The following SGIP1 variants were observed in gnomAD, a reference collection of about 807,000 sequenced individuals.
SGIP1 encodes SH3GL interacting endocytic adaptor 1.
In SGIP1, 38 loss-of-function variants were observed where a neutral mutation model predicts 107.5. The ratio of observed to expected loss-of-function variants is 0.35; its 90% confidence interval spans 0.27 to 0.46. SGIP1 has a LOEUF of 0.46. Ranked by LOEUF, SGIP1 falls within the 20% of genes least tolerant of loss-of-function variation. SGIP1 has a pLI of 1.00. For synonymous variants in SGIP1, 365 were observed against 366.1 expected (o/e 1.00, Z 0.03); for missense variants, 929 against 1,019.5 (o/e 0.91, Z 1.21).
At chr1:66,619,599 T>C (rs893706420) in intron 1 of SGIP1, among the ~76,000 whole-genome samples, 6 of 152,180 alleles carry the variant, frequency 3.9e-5, no homozygotes, top group African/African-American at 1.4e-4. Context: ...ATTCTACATT[T>C]GGCCTCTCCA....
chr1:66,695,132 G>T, intron 17 of SGIP1: 2 of 455,418 alleles, frequency 4.4e-6, no homozygotes, highest in Non-Finnish European at 7.6e-6. Context: ...ATATGCTGAC[G>T]CCCCTGCATG....
intron 1 of SGIP1, among the ~76,000 whole-genome samples, chr1:66,624,726 G>A (rs1489967891): frequency 6.6e-6 from 1 of 152,140 alleles, no homozygotes; most frequent in Non-Finnish European, 1.5e-5. Flanking sequence ...GACTTTCTCA[G>A]CTCCAATTTC....
chr1:66,716,082 A>C (rs959546913), intron 18 of SGIP1, among the ~76,000 whole-genome samples: 26 of 152,278 alleles, frequency 1.7e-4, no homozygotes, highest in African/African-American at 5.5e-4. Flanking sequence ...AACAAGTGTC[A>C]GAGACAGGAC....
At chr1:66,721,479 G>A (rs1301681614) in intron 19 of SGIP1, among the ~76,000 whole-genome samples, 3 of 152,128 alleles carry the variant, frequency 2.0e-5, no homozygotes, top group African/African-American at 4.8e-5. Flanking sequence ...CACAATCACA[G>A]CTCACTGCAG....
chr1:66,729,339 G>A lies in SGIP1; in HGVS notation c.1818G>A (p.Pro606=), dbSNP rs150154953. The change falls in exon 20 of 25, where the codon CCG becomes CCA. Residue 606 remains proline (P), a synonymous_variant. Transcript: ENST00000371037. ...TCACCAGACACTTTGCCAACAACCC[G>A]TCCCCAGCTGCTCTGACTTTTCGGG... ...AGITRHFANN[P]SPAALTFRVI... 144 of 1,614,072 alleles carry A rather than the reference G, an allele frequency of 8.9e-5. 1 individual carries two copies. Among genetic ancestry groups the A allele is most frequent in the East Asian group, 5.6e-4 (25 of 44,868 alleles).
At chr1:66,708,474 T>C (rs1467996835) in intron 18 of SGIP1, among the ~76,000 whole-genome samples, 1 of 152,144 alleles carries the variant, frequency 6.6e-6, no homozygotes, top group Admixed American at 6.5e-5. Flanking sequence ...AGGAAATCAA[T>C]TTGAGCAAGT....
At chr1:66,641,645 T>C (rs2076820050) in intron 5 of SGIP1, among the ~76,000 whole-genome samples, 2 of 152,216 alleles carry the variant, frequency 1.3e-5, no homozygotes, top group African/African-American at 2.4e-5. Context: ...TTTTCACATA[T>C]GCTTGTTATG....
In SGIP1 at chr1:66,743,713, G is replaced by T. The variant is rs547194745; in HGVS notation, c.*618G>T. 2 of 152,580 alleles carry T rather than the reference G, an allele frequency of 1.3e-5. No individual in the cohort carries two copies. The highest frequency in any genetic ancestry group is 3.9e-4 in the East Asian group (2 of 5,184). The allele number at this position is 152,580 out of a possible 1,614,324, so 9.5% of individuals were successfully genotyped here. On this transcript the variant is annotated 3_prime_UTR_variant, in exon 25 of 25. Coordinates refer to ENST00000371037, the MANE Select transcript of SGIP1 (RefSeq NM_032291.4). Reference sequence around the variant, plus strand: ...AAGGTTACAGCATATTCAAAGAAAAGCATTAGTTACCACTTTTTAAAAAGC... The same window carrying T: ...AAGGTTACAGCATATTCAAAGAAAATCATTAGTTACCACTTTTTAAAAAGC...
At chr1:66,711,181 A>G (rs2092893406) in intron 18 of SGIP1, among the ~76,000 whole-genome samples, 1 of 152,166 alleles carries the variant, frequency 6.6e-6, no homozygotes, top group Admixed American at 6.6e-5. Context: ...ATTATGTACT[A>G]TGAAATTTTA....
chr1:66,643,098 C>T (rs535899809), intron 6 of SGIP1, among the ~76,000 whole-genome samples: 2 of 26,880 alleles, frequency 7.4e-5, no homozygotes, highest in Non-Finnish European at 1.1e-4. Flanking sequence ...GCTAAAAAAA[C>T]GCTAATCCCT....
At chr1:66,708,552 G>T (rs1176607021) in intron 18 of SGIP1, among the ~76,000 whole-genome samples, 2 of 152,102 alleles carry the variant, frequency 1.3e-5, no homozygotes, top group African/African-American at 4.8e-5. Flanking sequence ...TTTAACAATA[G>T]TATTTTTGTT....
chr1:66,712,831 A>C (rs2093004458), intron 18 of SGIP1, among the ~76,000 whole-genome samples: 1 of 152,268 alleles, frequency 6.6e-6, no homozygotes, highest in Admixed American at 6.5e-5. Context: ...GAGTCACAGA[A>C]AACCGCCTTT....
intron 1 of SGIP1, among the ~76,000 whole-genome samples, chr1:66,570,709 C>T (rs1407953505): frequency 1.3e-5 from 2 of 152,002 alleles, no homozygotes; most frequent in East Asian, 3.9e-4. Context: ...ATATGTAGTT[C>T]CCTACTGTCA....
chr1:66,625,949 T>C, intron 2 of SGIP1, 39 bp downstream of exon 2: 1 of 1,551,258 alleles, frequency 6.4e-7, no homozygotes, highest in Non-Finnish European at 8.9e-7. Flanking sequence ...AAGAAGCTAT[T>C]TGCATAAGAG....
intron 1 of SGIP1, among the ~76,000 whole-genome samples, chr1:66,572,868 G>A (rs2060565458): frequency 6.6e-6 from 1 of 152,070 alleles, no homozygotes; most frequent in African/African-American, 2.4e-5. Flanking sequence ...ATATTATTCA[G>A]CAATTAAAAG....
chr1:66,714,771 G>C (rs2093132985), intron 18 of SGIP1, among the ~76,000 whole-genome samples: 1 of 152,072 alleles, frequency 6.6e-6, no homozygotes, highest in Admixed American at 6.6e-5. Context: ...TTAACTTGCA[G>C]ATCTATAGCC....
chr1:66,730,273 T>C (rs2093948290), intron 20 of SGIP1, among the ~76,000 whole-genome samples: 2 of 152,178 alleles, frequency 1.3e-5, no homozygotes, highest in South Asian at 2.1e-4. Context: ...TTTATATCAA[T>C]GTAATTTTTC....
intron 1 of SGIP1, among the ~76,000 whole-genome samples, chr1:66,604,876 T>G (rs1459007962): frequency 1.3e-5 from 2 of 152,188 alleles, no homozygotes; most frequent in African/African-American, 4.8e-5. Context: ...TTTTCCTACT[T>G]TATCTCCTAA....
chr1:66,602,408 A>G (rs2066007729), intron 1 of SGIP1, among the ~76,000 whole-genome samples: 1 of 152,180 alleles, frequency 6.6e-6, no homozygotes, highest in African/African-American at 2.4e-5. Flanking sequence ...AGCTCCCTGC[A>G]TGATCCACAT....
Sources: gnomAD v4.1 joint callset for allele counts (sites outside exome capture counted in the v4.1 genomes callset) on GRCh38, gnomAD v4.1.1 for gene constraint, MANE v1.5 for transcripts, NCBI Gene and HGNC (gene_info 2026-07-23, HGNC 2026-07-21) for gene names.